Variants in CDH12 observed in about 807,000 individuals in gnomAD.
CDH12 encodes the protein cadherin-12.
CDH12 carries 41 observed loss-of-function variants against 74.1 expected under a neutral mutation model. The ratio of observed to expected loss-of-function variants is 0.55; its 90% CI spans 0.43 to 0.72. The LOEUF (loss-of-function observed/expected upper bound fraction) is 0.72. Ranked by LOEUF, CDH12 falls within the 30% of genes least tolerant of loss-of-function variation. The pLI is 0.00. For synonymous variants in CDH12, 399 were observed against 355.0 expected (o/e 1.12, Z -1.39); for missense variants, 945 against 977.2 (o/e 0.97, Z 0.44).
intron 2 of CDH12, among the ~76,000 whole-genome samples, chr5:22,502,899 C>G (rs1224824210): frequency 6.6e-6 from 1 of 152,064 alleles, no homozygotes; most frequent in East Asian, 1.9e-4. Context: ...TTTAAATTCA[C>G]CACATATGAA....
intron 2 of CDH12, among the ~76,000 whole-genome samples, chr5:22,466,776 CTTTTTTTTTTT>C (rs70959733): frequency 2.6e-4 from 13 of 50,968 alleles, no homozygotes; most frequent in East Asian, 1.4e-3. Context: ...CCTCAGGAAT[CTTTTTTTTTTT>C]TTTTTTTTTT....
chr5:21,808,330 A>G (rs1003178265), intron 9 of CDH12, among the ~76,000 whole-genome samples: 17 of 151,934 alleles, frequency 1.1e-4, no homozygotes, highest in Admixed American at 9.9e-4. Flanking sequence ...GTCCCTTTTT[A>G]CTTTTTACTC....
At chr5:22,636,324 G>A (rs1738838636) in intron 1 of CDH12, among the ~76,000 whole-genome samples, 1 of 152,108 alleles carries the variant, frequency 6.6e-6, no homozygotes, top group South Asian at 2.1e-4. Flanking sequence ...AAGTGTACAT[G>A]CAAGAGACAT....
At chr5:22,144,389 G>C (rs1045170718) in intron 4 of CDH12, among the ~76,000 whole-genome samples, 2 of 152,094 alleles carry the variant, frequency 1.3e-5, no homozygotes, top group Non-Finnish European at 2.9e-5. Context: ...ATTACTGCCA[G>C]CTTAAACCAT....
intron 1 of CDH12, among the ~76,000 whole-genome samples, chr5:22,716,343 G>A (rs1743577013): frequency 6.6e-6 from 1 of 152,000 alleles, no homozygotes. Context: ...CACATACGAT[G>A]GTGTGGTCCC....
chr5:22,788,634 CTG>C (rs1747760899), intron 1 of CDH12, among the ~76,000 whole-genome samples: 1 of 146,886 alleles, frequency 6.8e-6, no homozygotes, highest in Non-Finnish European at 1.5e-5. Flanking sequence ...CAATATGTAA[CTG>C]TAATATAATG....
intron 8 of CDH12, among the ~76,000 whole-genome samples, chr5:21,828,976 T>A (rs1349676661): frequency 6.6e-6 from 1 of 151,008 alleles, no homozygotes; most frequent in Non-Finnish European, 1.5e-5. Context: ...TTACTCCAAG[T>A]AGTGTAAATG....
chr5:22,619,965 C>A (rs1194680695), intron 1 of CDH12, among the ~76,000 whole-genome samples: 2 of 152,002 alleles, frequency 1.3e-5, no homozygotes, highest in Admixed American at 1.3e-4. Flanking sequence ...TTCATGTGGT[C>A]ATTTCTCAAT....
chr5:22,252,730 C>T (rs1753176799), intron 3 of CDH12, among the ~76,000 whole-genome samples: 1 of 151,874 alleles, frequency 6.6e-6, no homozygotes, highest in Non-Finnish European at 1.5e-5. Context: ...TTTATGTTTG[C>T]TATTCTTTCT....
chr5:21,778,655 T>C (rs928499145), intron 11 of CDH12, among the ~76,000 whole-genome samples: 1 of 151,922 alleles, frequency 6.6e-6, no homozygotes, highest in Non-Finnish European at 1.5e-5. Context: ...ATTTGCACAG[T>C]TATTACTTAC....
chr5:22,799,067 A>G (rs1186711763), intron 1 of CDH12, among the ~76,000 whole-genome samples: 1 of 152,182 alleles, frequency 6.6e-6, no homozygotes, highest in African/African-American at 2.4e-5. Context: ...AAATGAGCAG[A>G]GATCATGCTA....
intron 3 of CDH12, among the ~76,000 whole-genome samples, chr5:22,304,797 T>TC (rs1738032909): frequency 6.6e-6 from 1 of 151,948 alleles, no homozygotes; most frequent in African/African-American, 2.4e-5. Context: ...AACAAAGATA[T>TC]CATAACCAGG....
intron 3 of CDH12, among the ~76,000 whole-genome samples, chr5:22,300,444 T>C (rs1168101205): frequency 6.6e-6 from 1 of 152,198 alleles, no homozygotes; most frequent in Non-Finnish European, 1.5e-5. Flanking sequence ...CCCTTAAATC[T>C]ATACCTTACA....
chr5:22,354,052 C>A (rs535209184), intron 3 of CDH12, among the ~76,000 whole-genome samples: 1 of 152,294 alleles, frequency 6.6e-6, no homozygotes, highest in Admixed American at 6.5e-5. Flanking sequence ...CCATCCAAGT[C>A]TCAGAAAGCA....
intron 1 of CDH12, among the ~76,000 whole-genome samples, chr5:22,676,349 A>T (rs1202953078): frequency 6.6e-6 from 1 of 152,202 alleles, no homozygotes. Context: ...GGCACAAAGT[A>T]GCTTTTGTTC....
At chr5:22,314,123 G>A (rs1282231822) in intron 3 of CDH12, among the ~76,000 whole-genome samples, 1 of 152,166 alleles carries the variant, frequency 6.6e-6, no homozygotes, top group Non-Finnish European at 1.5e-5. Context: ...TGGGGCATAT[G>A]GAGCTTGAGA....
rs555317732 is a variant in CDH12, at chr5:22,467,574, AG to A, written c.-428+37695del. Among the ~76,000 whole-genome samples, 3 of 152,280 alleles carry A rather than the reference AG, an allele frequency of 2.0e-5. No homozygotes were observed. The South Asian group carries it at 6.2e-4, about 32-fold the overall frequency. On this transcript the variant is annotated intron_variant, in intron 2 of 14. Transcript: ENST00000382254. ...CTTGCACTCGAATATGGGCTTAATGAGGGGAGGGACTTGGTCTTTCTTGTTT... is the reference window on the plus strand; with the variant it reads ...CTTGCACTCGAATATGGGCTTAATGAGGGAGGGACTTGGTCTTTCTTGTTT...
chr5:22,740,845 T>C (rs547396612), intron 1 of CDH12, among the ~76,000 whole-genome samples: 1 of 152,092 alleles, frequency 6.6e-6, no homozygotes, highest in Non-Finnish European at 1.5e-5. Context: ...ACTTAAATGA[T>C]AAACTTGCAA....
intron 1 of CDH12, among the ~76,000 whole-genome samples, chr5:22,736,358 G>T (rs924040992): frequency 6.6e-6 from 1 of 151,640 alleles, no homozygotes; most frequent in Non-Finnish European, 1.5e-5. Context: ...TAGTTCATTG[G>T]CTGAATACTG....
Sources: gnomAD v4.1 joint callset for allele counts (sites outside exome capture counted in the v4.1 genomes callset) on GRCh38, gnomAD v4.1.1 for gene constraint, MANE v1.5 for transcripts, NCBI Gene and HGNC (gene_info 2026-07-23, HGNC 2026-07-21) for gene names.